PLCXD3: variants seen among roughly 807,000 people sequenced by gnomAD.
PLCXD3 encodes PI-PLC X domain-containing protein 3.
In PLCXD3, 19 loss-of-function variants were observed where a neutral mutation model predicts 25.5. The ratio of observed to expected loss-of-function variants is 0.75; its 90% CI spans 0.52 to 1.09. The LOEUF is 1.09. Ranked by LOEUF, PLCXD3 falls within the 50% of genes least tolerant of loss-of-function variation. The pLI is 0.00. For synonymous variants in PLCXD3, 174 were observed against 137.6 expected, an observed-to-expected ratio of 1.26 and a Z score of -1.85; for missense variants, 411 against 388.1, an observed-to-expected ratio of 1.06 and a Z score of -0.50.
intron 2 of PLCXD3, among the ~76,000 whole-genome samples, chr5:41,345,789 T>C (rs936169227): frequency 6.6e-6 from 1 of 152,210 alleles, no homozygotes; most frequent in African/African-American, 2.4e-5. Flanking sequence ...GTTAACTCCA[T>C]ATTTAATTTT....
At chr5:41,437,006 A>G (rs1020632640) in intron 1 of PLCXD3, among the ~76,000 whole-genome samples, 4 of 151,198 alleles carry the variant, frequency 2.6e-5, no homozygotes, top group Non-Finnish European at 4.4e-5. Context: ...ACAGAATCTC[A>G]TGGGGTTAGA....
chr5:41,474,360 AC>A (rs1748234870), intron 1 of PLCXD3, among the ~76,000 whole-genome samples: 1 of 152,160 alleles, frequency 6.6e-6, no homozygotes, highest in South Asian at 2.1e-4. Flanking sequence ...TGGGTGGCAG[AC>A]ACAGTTTGTC....
chr5:41,463,122 T>A (rs1259415081), intron 1 of PLCXD3, among the ~76,000 whole-genome samples: 1 of 152,074 alleles, frequency 6.6e-6, no homozygotes, highest in Non-Finnish European at 1.5e-5. Flanking sequence ...AGTGACTGTA[T>A]CTTTTATAAT....
intron 1 of PLCXD3, among the ~76,000 whole-genome samples, chr5:41,455,073 C>T (rs998051370): frequency 5.3e-5 from 8 of 151,830 alleles, no homozygotes; most frequent in Non-Finnish European, 1.2e-4. Flanking sequence ...GGAAACCACT[C>T]CCATGATTCA....
At position 41,350,144 on chromosome 5, in the gene PLCXD3, C is replaced by T. The variant is rs78641843; in HGVS notation, c.812+31682G>A. 4.6e-3 allele frequency among the ~76,000 whole-genome samples: 694 copies of T among 152,228 alleles called. 3 individuals are homozygous for T. Among genetic ancestry groups the T allele is most frequent in the African/African-American group, 0.016 (656 of 41,536 alleles). ...AATATGCACACAGCTCCCTCTCTCA[C>T]GTTTTTAAGCCCAGTTTAGGCTCTC... On this transcript the variant is annotated intron_variant, in intron 2 of 2. Transcript: ENST00000377801.
At chr5:41,333,196 A>G (rs1289773244) in intron 2 of PLCXD3, among the ~76,000 whole-genome samples, 1 of 152,110 alleles carries the variant, frequency 6.6e-6, no homozygotes, top group African/African-American at 2.4e-5. Flanking sequence ...AGCCTAAGAA[A>G]TGAAGGCTTC....
Position 41,313,383 on chromosome 5 carries a change from T to C in PLCXD3, c.*234A>G, listed in dbSNP as rs555319980. 1.5e-4 allele frequency: 65 copies of C among 448,200 alleles called. 1 individual carries two copies. In the Admixed American group the frequency reaches 2.2e-3, roughly 15 times the overall value. 27.8% of individuals were successfully genotyped at this position (448,200 alleles called of 1,614,324 possible). A position where few individuals can be genotyped will look rare whatever the true frequency, so the allele number is the denominator to read the frequency against. On this transcript the variant is annotated 3_prime_UTR_variant, in exon 3 of 3. Transcript: ENST00000377801. ...AACAAAGTTACTGGTCTTTTTTTTT[T>C]ATTCCTAACACTAGAAGTAGATTTT...
chr5:41,428,112 C>G (rs777617611), intron 1 of PLCXD3, among the ~76,000 whole-genome samples: 21 of 152,126 alleles, frequency 1.4e-4, no homozygotes, highest in Non-Finnish European at 2.8e-4. Flanking sequence ...CTTTGTCTCT[C>G]TCCCCACACC....
chr5:41,368,251 G>T (rs1201348912), intron 2 of PLCXD3, among the ~76,000 whole-genome samples: 1 of 151,842 alleles, frequency 6.6e-6, no homozygotes, highest in Non-Finnish European at 1.5e-5. Flanking sequence ...TCATAATTTG[G>T]TTCTATATTT....
chr5:41,393,300 G>C (rs1462596265), intron 1 of PLCXD3, among the ~76,000 whole-genome samples: 2 of 152,078 alleles, frequency 1.3e-5, no homozygotes, highest in African/African-American at 2.4e-5. Flanking sequence ...GGATGAAGAA[G>C]GGATCCTAAA....
chr5:41,492,931 G>A (rs554289958), intron 1 of PLCXD3, among the ~76,000 whole-genome samples: 4 of 152,222 alleles, frequency 2.6e-5, no homozygotes, highest in Non-Finnish European at 4.4e-5. Flanking sequence ...CTCTCAACTC[G>A]TCAAAGTCAT....
chr5:41,396,817 G>T (rs751725682), intron 1 of PLCXD3, among the ~76,000 whole-genome samples: 2 of 152,170 alleles, frequency 1.3e-5, no homozygotes, highest in African/African-American at 2.4e-5. Flanking sequence ...GCAAAGAGAC[G>T]ACTGGAAGCA....
intron 1 of PLCXD3, 106 bp downstream of exon 1, chr5:41,510,318 C>A: frequency 1.0e-6 from 1 of 999,702 alleles, no homozygotes; most frequent in Non-Finnish European, 1.5e-6. Context: ...AGACGAGTTT[C>A]CCTCCCGCGG....
intron 1 of PLCXD3, among the ~76,000 whole-genome samples, chr5:41,462,349 T>G (rs1235451560): frequency 6.6e-6 from 1 of 152,048 alleles, no homozygotes; most frequent in Non-Finnish European, 1.5e-5. Context: ...AACAGAAGTT[T>G]AAACGTATTT....
intron 1 of PLCXD3, among the ~76,000 whole-genome samples, chr5:41,494,404 G>T (rs1428132675): frequency 3.3e-5 from 5 of 152,226 alleles, no homozygotes; most frequent in African/African-American, 1.2e-4. Flanking sequence ...AGTGGCAGCA[G>T]AGAAAAGTGG....
chr5:41,351,489 C>T (rs1486036894), intron 2 of PLCXD3, among the ~76,000 whole-genome samples: 1 of 152,080 alleles, frequency 6.6e-6, no homozygotes, highest in African/African-American at 2.4e-5. Flanking sequence ...TGTGGCAGAA[C>T]AAGGGCAGTT....
chr5:41,456,805 C>G (rs1388574215), intron 1 of PLCXD3, among the ~76,000 whole-genome samples: 1 of 151,920 alleles, frequency 6.6e-6, no homozygotes, highest in Non-Finnish European at 1.5e-5. Context: ...CTCTCACCCT[C>G]TCACCAAACA....
At chr5:41,505,755 C>G (rs370536559) in intron 1 of PLCXD3, among the ~76,000 whole-genome samples, 44 of 152,290 alleles carry the variant, frequency 2.9e-4, no homozygotes, top group African/African-American at 1.0e-3. Context: ...CTAATGTGAA[C>G]AGTTAAGTAG....
chr5:41,353,249 T>A (rs1035864845), intron 2 of PLCXD3, among the ~76,000 whole-genome samples: 1 of 151,284 alleles, frequency 6.6e-6, no homozygotes, highest in Non-Finnish European at 1.5e-5. Context: ...CCCGCCACCA[T>A]GCTCGGCTAA....
Sources: gnomAD v4.1 joint callset for allele counts (sites outside exome capture counted in the v4.1 genomes callset) on GRCh38, gnomAD v4.1.1 for gene constraint, MANE v1.5 for transcripts, NCBI Gene and HGNC (gene_info 2026-07-23, HGNC 2026-07-21) for gene names.